ULK2: variants seen among roughly 807,000 people sequenced by gnomAD.
The protein encoded by ULK2 is serine/threonine-protein kinase ULK2.
In ULK2, 76 loss-of-function variants were observed where a neutral mutation model predicts 127.5. The observed-to-expected ratio is 0.60, with a 90% CI of 0.50 to 0.72. ULK2 has a LOEUF of 0.72. Among genes scored for constraint, ULK2 ranks in the 30% least tolerant of loss-of-function variants. The probability of loss-of-function intolerance (pLI) is 0.00; values close to 1 mark genes in which losing one functional copy is unlikely to be tolerated. For synonymous variants in ULK2, 452 were observed against 461.9 expected (o/e 0.98, Z 0.28); for missense variants, 1,144 against 1,295.9 (o/e 0.88, Z 1.80).
intron 7 of ULK2, among the ~76,000 whole-genome samples, chr17:19,844,589 A>G (rs2041836596): frequency 6.6e-6 from 1 of 151,970 alleles, no homozygotes; most frequent in African/African-American, 2.4e-5. Context: ...ATATATAAGC[A>G]GTAAAATTAT....
chr17:19,791,378 T>C (rs776284643), intron 20 of ULK2, among the ~76,000 whole-genome samples: 6 of 151,772 alleles, frequency 4.0e-5, no homozygotes, highest in Non-Finnish European at 8.8e-5. Context: ...GGCAAAACCC[T>C]GTCTCTACTA....
Position 19,796,076 on chromosome 17 carries a change from A to C in ULK2, c.1997+19T>G. The C allele has an allele frequency of 1.3e-6, 2 of 1,590,582 alleles. No individual in the cohort carries two copies. Among genetic ancestry groups the C allele is most frequent in the Non-Finnish European group, 1.7e-6 (2 of 1,170,960 alleles). On this transcript the variant is annotated intron_variant, in intron 19 of 26. Transcript: ENST00000395544. ...TTACAGTTTTCATGTTTAATGCTAGAATGGAAACAGTCTTTTACCTGCCAA... is the reference window on the plus strand; with the variant it reads ...TTACAGTTTTCATGTTTAATGCTAGCATGGAAACAGTCTTTTACCTGCCAA...
chr17:19,785,893 T>C, intron 21 of ULK2, 44 bp downstream of exon 21: 1 of 1,583,374 alleles, frequency 6.3e-7, no homozygotes, highest in South Asian at 1.1e-5. Flanking sequence ...AACACTACAT[T>C]CCAAATACTA....
intron 10 of ULK2, among the ~76,000 whole-genome samples, chr17:19,833,919 T>TC (rs1320602634): frequency 6.6e-6 from 1 of 152,114 alleles, no homozygotes; most frequent in Non-Finnish European, 1.5e-5. Context: ...GGTTGACAAC[T>TC]CCCCAAATTT....
intron 15 of ULK2, 80 bp downstream of exon 15, chr17:19,804,613 G>T (rs2087473381): frequency 6.1e-6 from 9 of 1,469,660 alleles, no homozygotes; most frequent in Non-Finnish European, 7.3e-6. Context: ...GCCACAGAAA[G>T]TAACATATCT....
intron 20 of ULK2, among the ~76,000 whole-genome samples, chr17:19,787,812 G>A (rs2087066282): frequency 6.6e-6 from 1 of 152,194 alleles, no homozygotes; most frequent in African/African-American, 2.4e-5. Context: ...AGGCACTGAA[G>A]AGGGTAGGAA....
intron 14 of ULK2, among the ~76,000 whole-genome samples, chr17:19,808,536 G>A (rs943922403): frequency 1.3e-5 from 2 of 152,090 alleles, no homozygotes; most frequent in Non-Finnish European, 2.9e-5. Context: ...CCTGACAAGA[G>A]GCTAATATCC....
chr17:19,846,986 G>A, intron 5 of ULK2, 76 bp from the exon 6 acceptor site: 1 of 1,386,662 alleles, frequency 7.2e-7, no homozygotes, highest in Non-Finnish European at 9.6e-7. Flanking sequence ...CAACAGGATT[G>A]GGTTGTGAAG....
intron 21 of ULK2, chr17:19,784,122 C>G: frequency 2.6e-6 from 1 of 391,844 alleles, no homozygotes; most frequent in Non-Finnish European, 4.4e-6. Context: ...TAGACATCAT[C>G]AGAGCTAGTT....
Position 19,780,420 on chromosome 17 carries a change from G to A in ULK2, c.2916+52C>T, listed in dbSNP as rs987631419. On this transcript the variant is annotated intron_variant, in intron 25 of 26. Coordinates refer to ENST00000395544, the MANE Select transcript of ULK2 (RefSeq NM_014683.4). ...TGTCATATAGATATTCAATTAAAAA[G>A]ACACTTAAAGATAAGTAGTACTATA... is the stretch of plus-strand genomic sequence containing the variant. 1.2e-5 allele frequency: 18 copies of A among 1,451,874 alleles called. 1 individual carries two copies. The highest frequency in any genetic ancestry group is 2.3e-4 in the Middle Eastern group (1 of 4,324). 89.9% of individuals were successfully genotyped at this position (1,451,874 alleles called of 1,614,324 possible). A position where few individuals can be genotyped will look rare whatever the true frequency, so the allele number is the denominator to read the frequency against.
chr17:19,776,528 T>A, intron 26 of ULK2, 121 bp from the exon 27 acceptor site: 1 of 930,244 alleles, frequency 1.1e-6, no homozygotes, highest in South Asian at 1.8e-5. Context: ...TGCTTGGTAA[T>A]AGTTTAGATA....
At chr17:19,789,530 C>G (rs1339524806) in intron 20 of ULK2, among the ~76,000 whole-genome samples, 1 of 152,154 alleles carries the variant, frequency 6.6e-6, no homozygotes, top group Non-Finnish European at 1.5e-5. Context: ...GCCAGGAAAA[C>G]ATGAACTTAC....
At chr17:19,794,662 C>A (rs1049740406) in intron 20 of ULK2, among the ~76,000 whole-genome samples, 1 of 150,452 alleles carries the variant, frequency 6.6e-6, no homozygotes, top group Non-Finnish European at 1.5e-5. Context: ...TAGAAAGAAA[C>A]GATGCTGGCT....
At chr17:19,790,431 T>A (rs531848444) in intron 20 of ULK2, among the ~76,000 whole-genome samples, 3 of 151,736 alleles carry the variant, frequency 2.0e-5, no homozygotes, top group African/African-American at 7.3e-5. Flanking sequence ...AATAAAAAAA[T>A]TGAATTAAAT....
intron 25 of ULK2, among the ~76,000 whole-genome samples, chr17:19,778,312 G>C (rs1255883321): frequency 6.6e-6 from 1 of 152,192 alleles, no homozygotes; most frequent in Non-Finnish European, 1.5e-5. Flanking sequence ...AGGAAGCACT[G>C]GATGATACGG....
chr17:19,864,277 G>A (rs2042307203), intron 3 of ULK2, among the ~76,000 whole-genome samples: 2 of 152,172 alleles, frequency 1.3e-5, no homozygotes, highest in Admixed American at 1.3e-4. Context: ...AGACAAGCCT[G>A]GCCAACATGG....
At chr17:19,849,557 ATTCC>A in intron 4 of ULK2, 152 bp from the exon 5 acceptor site, 1 of 934,134 alleles carries the variant, frequency 1.1e-6, no homozygotes, top group Non-Finnish European at 1.6e-6. Context: ...TAAATTTTAT[ATTCC>A]TTGAGTAGAA....
At chr17:19,829,095 C>A (rs909245072) in intron 10 of ULK2, among the ~76,000 whole-genome samples, 2 of 150,852 alleles carry the variant, frequency 1.3e-5, no homozygotes, top group African/African-American at 2.4e-5. Flanking sequence ...GAAAAAGAGA[C>A]TCGCTTTAAA....
chr17:19,804,877 G>A (rs1567689427), intron 14 of ULK2, 47 bp from the exon 15 acceptor site: 1 of 1,595,806 alleles, frequency 6.3e-7, no homozygotes, highest in Admixed American at 1.7e-5. Context: ...TGGTAGGATT[G>A]TTTTTCTTTC....
Sources: allele counts gnomAD v4.1 joint callset (sites outside exome capture counted in the v4.1 genomes callset), GRCh38; gene constraint gnomAD v4.1.1; transcripts MANE v1.5; gene names NCBI Gene and HGNC (gene_info 2026-07-23, HGNC 2026-07-21).